ZNF787: variants seen among roughly 807,000 people sequenced by gnomAD.
The protein encoded by ZNF787 is zinc finger protein 787, also known as TTF-I-interacting peptide 20.
In ZNF787, 7 loss-of-function variants were observed where a neutral mutation model predicts 16.9. The ratio of observed to expected loss-of-function variants is 0.42; its 90% confidence interval spans 0.24 to 0.78. The LOEUF (loss-of-function observed/expected upper bound fraction) is 0.78. ZNF787 is among the 30% of genes least tolerant of loss of function. The pLI is 0.30. For synonymous variants in ZNF787, 345 were observed against 270.9 expected (o/e 1.27, Z -2.69); for missense variants, 551 against 589.3 (o/e 0.94, Z 0.67).
At chr19:56,117,108 C>G (rs1268757823) in intron 1 of ZNF787, among the ~76,000 whole-genome samples, 1 of 152,194 alleles carries the variant, frequency 6.6e-6, no homozygotes, top group Non-Finnish European at 1.5e-5. Flanking sequence ...GGCTACCCGT[C>G]CCTCCTGATT....
Position 56,087,771 on chromosome 19 carries a change from C to G in ZNF787, c.*252G>C, listed in dbSNP as rs952094581. On this transcript the variant is annotated 3_prime_UTR_variant, in exon 3 of 3. Coordinates refer to ENST00000610935, the MANE Select transcript of ZNF787 (RefSeq NM_001002836.4). ...GCAGTTCTCTCCATTGTCTCTCCGG[C>G]TCGCAGGCCGATAACTTAGGAAGGG... is the stretch of plus-strand genomic sequence containing the variant. 7 of 479,360 alleles carry G rather than the reference C, an allele frequency of 1.5e-5. No homozygotes were observed. The highest frequency in any genetic ancestry group is 1.2e-4 in the African/African-American group (6 of 48,960). The allele number at this position is 479,360 out of a possible 1,614,324, so 29.7% of individuals were successfully genotyped here. A position where few individuals can be genotyped will look rare whatever the true frequency, so the allele number is the denominator to read the frequency against.
chr19:56,095,357 GGCCT>G (rs1198437959), intron 2 of ZNF787, among the ~76,000 whole-genome samples: 1 of 152,104 alleles, frequency 6.6e-6, no homozygotes, highest in Non-Finnish European at 1.5e-5. Context: ...ATGCACTTCC[GGCCT>G]GCCTATCTGT....
At chr19:56,118,265 G>C (rs376535395) in intron 1 of ZNF787, among the ~76,000 whole-genome samples, 1 of 152,148 alleles carries the variant, frequency 6.6e-6, no homozygotes, top group African/African-American at 2.4e-5. Context: ...CTCAACTTCC[G>C]AGCCACTTGT....
rs1251882280 is a variant in ZNF787, at chr19:56,102,836, C to T, written c.79+303G>A. 5 of 696,786 alleles carry T rather than the reference C, an allele frequency of 7.2e-6. No individual in the cohort carries two copies. The South Asian group carries it at 7.5e-5, about 10-fold the overall frequency. The allele number at this position is 696,786 out of a possible 1,614,324, so 43.2% of individuals were successfully genotyped here. A position where few individuals can be genotyped will look rare whatever the true frequency, so the allele number is the denominator to read the frequency against. ...GCTGTGGGGAGAGGAAGGGGGCACCCTCAACAGACGGGGGTGCTGCCCAGG... is the reference window on the plus strand; with the variant it reads ...GCTGTGGGGAGAGGAAGGGGGCACCTTCAACAGACGGGGGTGCTGCCCAGG... On this transcript the variant is annotated intron_variant, in intron 2 of 2. Coordinates refer to ENST00000610935, the MANE Select transcript of ZNF787 (RefSeq NM_001002836.4).
rs566916398 is a variant in ZNF787 at position 56,114,523 on chromosome 19, C to A, written c.-11+6649G>T. On this transcript the variant is annotated intron_variant, in intron 1 of 2. Coordinates refer to ENST00000610935, the MANE Select transcript of ZNF787 (RefSeq NM_001002836.4). ...CATTCCTCCACCTGCCCCGGCCAGG[C>A]CTGGTCTCTCTCTCTGAGGGGCCGG... Among the ~76,000 whole-genome samples, 3 of 152,130 alleles carry A rather than the reference C, an allele frequency of 2.0e-5. No homozygotes were observed. The East Asian group carries it at 5.8e-4, about 29-fold the overall frequency.
At chr19:56,089,706 C>G (rs577902966) in intron 2 of ZNF787, among the ~76,000 whole-genome samples, 8 of 152,310 alleles carry the variant, frequency 5.3e-5, no homozygotes, top group African/African-American at 1.7e-4. Context: ...TGGCTCAACG[C>G]CACCTCCATT....
rs1036403250 is a variant in ZNF787, at chr19:56,087,878, G to A, written c.*145C>T. ...GCCCCAGTGCCCCCCCACGGACGGC[G>A]CAGGGACAGAGGAGGGCGGGGAGCC... is the stretch of plus-strand genomic sequence containing the variant. On this transcript the variant is annotated 3_prime_UTR_variant, in exon 3 of 3. Transcript: ENST00000610935. The A allele has an allele frequency of 2.6e-4, 324 of 1,238,712 alleles. No individual in the cohort carries two copies. The highest frequency in any genetic ancestry group is 3.2e-4 in the Non-Finnish European group (316 of 980,500). 76.7% of individuals were successfully genotyped at this position (1,238,712 alleles called of 1,614,324 possible). A position where few individuals can be genotyped will look rare whatever the true frequency, so the allele number is the denominator to read the frequency against.
At chr19:56,092,340 C>T (rs1199510179) in intron 2 of ZNF787, among the ~76,000 whole-genome samples, 1 of 152,166 alleles carries the variant, frequency 6.6e-6, no homozygotes, top group Non-Finnish European at 1.5e-5. Context: ...TATCACTGTC[C>T]TCTCACTGAA....
intron 1 of ZNF787, among the ~76,000 whole-genome samples, chr19:56,119,449 AT>A (rs2030225524): frequency 6.6e-6 from 1 of 152,222 alleles, no homozygotes; most frequent in Non-Finnish European, 1.5e-5. Flanking sequence ...AGCCCTTTCC[AT>A]TTACTTTACA....
At chr19:56,093,204 A>G (rs897666860) in intron 2 of ZNF787, among the ~76,000 whole-genome samples, 12 of 148,796 alleles carry the variant, frequency 8.1e-5, no homozygotes, top group Non-Finnish European at 1.8e-4. Context: ...TCCCAGACAC[A>G]GGGGTTGGCA....
intron 1 of ZNF787, among the ~76,000 whole-genome samples, chr19:56,120,831 G>A (rs1045221600): frequency 1.4e-5 from 2 of 146,070 alleles, no homozygotes; most frequent in African/African-American, 2.5e-5. Flanking sequence ...CCGCAGCAGA[G>A]GGACCCCCAC....
chr19:56,088,675 G>T lies in ZNF787; in HGVS notation c.497C>A (p.Ala166Asp). ...GCCGCTGTGCGAGCGCCGGTGCTTGGCCAGGCTCTTGCTCTGAGTGAAGCT... is the reference window on the plus strand; with the variant it reads ...GCCGCTGTGCGAGCGCCGGTGCTTGTCCAGGCTCTTGCTCTGAGTGAAGCT... ...GRSFTQSKSL[A>D]KHRRSHSGLK... is the part of the protein sequence containing the mutation. Residue 166 changes from alanine (A) to aspartate (D), a missense_variant, in exon 3 of 3, where the codon GCC (alanine) becomes GAC (aspartate). Physicochemically the swap from Ala to Asp is moderately radical, Grantham distance 126. Transcript: ENST00000610935. The surrounding 1 kb of genome is among the most constrained non-coding windows in gnomAD (Gnocchi z 8.6). The T allele has an allele frequency of 6.3e-7, 1 of 1,582,640 alleles. No homozygotes were observed. The highest frequency in any genetic ancestry group is 8.6e-7 in the Non-Finnish European group (1 of 1,168,798).
chr19:56,091,080 C>G (rs1253245316), intron 2 of ZNF787, among the ~76,000 whole-genome samples: 1 of 152,054 alleles, frequency 6.6e-6, no homozygotes, highest in African/African-American at 2.4e-5. Context: ...CAACATAAAT[C>G]AAAAAATGTT....
rs537571325 is a variant in ZNF787 at position 56,088,103 on chromosome 19, C to G, written c.1069G>C (p.Ala357Pro). 450 of 1,527,332 alleles carry G rather than the reference C, an allele frequency of 2.9e-4. 6 individuals carry two copies. In the East Asian group the frequency reaches 0.012, roughly 41 times the overall value. The allele number at this position is 1,527,332 out of a possible 1,614,324, so 94.6% of individuals were successfully genotyped here. A position where few individuals can be genotyped will look rare whatever the true frequency, so the allele number is the denominator to read the frequency against. ...TCGTCGTCCTCCTCCTCCCCGCCCGCGCGGTAGTAGCTCTGTCCGCAGCTG... is the reference window on the plus strand; with the variant it reads ...TCGTCGTCCTCCTCCTCCCCGCCCGGGCGGTAGTAGCTCTGTCCGCAGCTG... ...CSSCGQSYYR[A>P]GGEEEDDDDE... is the part of the protein sequence containing the mutation. Residue 357 changes from alanine (A) to proline (P), a missense_variant, in exon 3 of 3, where the codon GCG (alanine) becomes CCG (proline). Ala to Pro is a conservative substitution (Grantham distance 27). This residue lies in a region of ZNF787 where 392 missense variants were observed against 312.7 expected (regional missense o/e 1.25). Transcript: ENST00000610935. The surrounding 1 kb of genome is among the most constrained non-coding windows in gnomAD (Gnocchi z 8.6).
intron 1 of ZNF787, among the ~76,000 whole-genome samples, chr19:56,116,301 G>A (rs57889563): frequency 0.016 from 2,445 of 152,126 alleles, 64 homozygotes; most frequent in African/African-American, 0.056. Context: ...AATTAGCCAG[G>A]CATGGTGGCG....
chr19:56,091,982 G>GAAGCCGAAGCCGAAAC (rs1568523497), intron 2 of ZNF787, among the ~76,000 whole-genome samples: 1 of 143,602 alleles, frequency 7.0e-6, no homozygotes, highest in African/African-American at 2.7e-5. Context: ...AAAGCCGAAG[G>GAAGCCGAAGCCGAAAC]CGAAACCGAA....
chr19:56,121,036 C>A (rs1404147142), intron 1 of ZNF787, 136 bp downstream of exon 1: 16 of 141,014 alleles, frequency 1.1e-4, no homozygotes, highest in South Asian at 2.2e-4. Flanking sequence ...CACGCCCCCC[C>A]AGCAGCGCGC....
At chr19:56,104,842 T>C (rs564739421) in intron 1 of ZNF787, among the ~76,000 whole-genome samples, 1 of 152,352 alleles carries the variant, frequency 6.6e-6, no homozygotes, top group African/African-American at 2.4e-5. Context: ...TAAAACAGGC[T>C]CCCTGGCTGG....
At chr19:56,114,412 G>A (rs11879728) in intron 1 of ZNF787, among the ~76,000 whole-genome samples, 81,423 of 100,136 alleles carry the variant, frequency 0.81, 33,855 homozygotes, top group South Asian at 0.93. Flanking sequence ...CACCTGCCCT[G>A]GCCAGGCCTG....
Sources: allele counts gnomAD v4.1 joint callset (sites outside exome capture counted in the v4.1 genomes callset), GRCh38; gene constraint gnomAD v4.1.1; regional missense constraint gnomAD v4.1.1; non-coding constraint Gnocchi (gnomAD v3.1); transcripts MANE v1.5; gene names NCBI Gene and HGNC (gene_info 2026-07-23, HGNC 2026-07-21).